Variants in DAPK1 observed in about 807,000 individuals in gnomAD.
DAPK1 encodes the protein death-associated protein kinase 1.
DAPK1 carries 56 observed loss-of-function variants against 144.9 expected under a neutral mutation model. That is an observed-to-expected ratio of 0.39 (90% CI 0.31 to 0.48). The LOEUF (loss-of-function observed/expected upper bound fraction) is 0.48. Ranked by LOEUF, DAPK1 falls within the 20% of genes least tolerant of loss-of-function variation. The pLI is 0.95. For synonymous variants in DAPK1, 690 were observed against 749.0 expected, an observed-to-expected ratio of 0.92 and a Z score of 1.29; for missense variants, 1,454 against 1,875.4, an observed-to-expected ratio of 0.78 and a Z score of 4.15.
intron 3 of DAPK1, among the ~76,000 whole-genome samples, 191 bp downstream of exon 3, chr9:87,605,366 A>AATT (rs1271000233): frequency 6.6e-6 from 1 of 152,178 alleles, no homozygotes; most frequent in Non-Finnish European, 1.5e-5. Flanking sequence ...ACAAACTCTA[A>AATT]AGAGCAACTC....
intron 2 of DAPK1, among the ~76,000 whole-genome samples, chr9:87,509,612 G>A (rs755241571): frequency 2.0e-5 from 3 of 152,092 alleles, no homozygotes; most frequent in Non-Finnish European, 4.4e-5. Flanking sequence ...CGCCCGCCTC[G>A]GCCCCCCACA....
In DAPK1 at chr9:87,702,510, C is replaced by T. The variant is rs545897098; in HGVS notation, c.2872-519C>T. ...GATCATTGCCTGAGTGAAACAGTCA[C>T]GAGAGAGAGAGCGAGGGAAGAAAGG... On this transcript the variant is annotated intron_variant, in intron 24 of 25. Transcript: ENST00000408954. Among the ~76,000 whole-genome samples, 10 of 151,792 alleles carry T rather than the reference C, an allele frequency of 6.6e-5. No homozygotes were observed. In the East Asian group the frequency reaches 1.5e-3, roughly 23 times the overall value.
At chr9:87,531,096 TA>T (rs1355548188) in intron 2 of DAPK1, among the ~76,000 whole-genome samples, 5 of 152,184 alleles carry the variant, frequency 3.3e-5, no homozygotes, top group Admixed American at 2.6e-4. Flanking sequence ...GAGAAGGGGT[TA>T]GGGGGAGAGA....
At chr9:87,691,836 T>C (rs1457223480) in intron 21 of DAPK1, among the ~76,000 whole-genome samples, 1 of 152,122 alleles carries the variant, frequency 6.6e-6, no homozygotes, top group Non-Finnish European at 1.5e-5. Flanking sequence ...GCACTGTGGT[T>C]TGAGGAGATA....
chr9:87,618,937 T>A (rs1234171662), intron 3 of DAPK1, among the ~76,000 whole-genome samples: 1 of 152,200 alleles, frequency 6.6e-6, no homozygotes, highest in East Asian at 1.9e-4. Context: ...AGATTTAATC[T>A]TGGATGACTC....
intron 2 of DAPK1, among the ~76,000 whole-genome samples, chr9:87,543,862 T>C (rs1249543269): frequency 6.6e-6 from 1 of 152,186 alleles, no homozygotes; most frequent in Non-Finnish European, 1.5e-5. Flanking sequence ...TATTATAGTA[T>C]TATGCTATAG....
At chr9:87,510,076 G>A (rs973091953) in intron 2 of DAPK1, among the ~76,000 whole-genome samples, 3 of 152,162 alleles carry the variant, frequency 2.0e-5, no homozygotes, top group Non-Finnish European at 2.9e-5. Context: ...TCAGGCATCC[G>A]TTTCAATTGT....
At chr9:87,618,277 A>T (rs1376067599) in intron 3 of DAPK1, among the ~76,000 whole-genome samples, 1 of 152,226 alleles carries the variant, frequency 6.6e-6, no homozygotes, top group Non-Finnish European at 1.5e-5. Context: ...AAAGACAGGC[A>T]ATCTCAAGTG....
At chr9:87,565,696 T>C (rs1363213217) in intron 2 of DAPK1, among the ~76,000 whole-genome samples, 2 of 152,242 alleles carry the variant, frequency 1.3e-5, no homozygotes, top group African/African-American at 2.4e-5. Context: ...ACCTACCATT[T>C]TCAATTTACT....
At chr9:87,623,081 A>G (rs1829361161) in intron 3 of DAPK1, among the ~76,000 whole-genome samples, 1 of 152,162 alleles carries the variant, frequency 6.6e-6, no homozygotes, top group South Asian at 2.1e-4. Flanking sequence ...TAAGGGGCCC[A>G]CTAGGACTTG....
intron 3 of DAPK1, among the ~76,000 whole-genome samples, chr9:87,618,662 AC>A (rs1829183443): frequency 6.6e-6 from 1 of 152,058 alleles, no homozygotes; most frequent in Non-Finnish European, 1.5e-5. Flanking sequence ...CCAATAGACC[AC>A]CCACCCTATG....
intron 2 of DAPK1, chr9:87,553,460 G>A (rs1435974348): frequency 1.3e-5 from 2 of 151,732 alleles, no homozygotes; most frequent in Non-Finnish European, 2.9e-5. Flanking sequence ...CTGGTGCTTA[G>A]GGTGCTCAAT....
chr9:87,695,245 G>A (rs971616767), intron 21 of DAPK1, among the ~76,000 whole-genome samples: 3 of 152,212 alleles, frequency 2.0e-5, no homozygotes, highest in African/African-American at 7.2e-5. Flanking sequence ...GCTTTGGAGG[G>A]TGGTCCCTCC....
chr9:87,503,892 T>A (rs1824498168), intron 2 of DAPK1, among the ~76,000 whole-genome samples: 1 of 152,204 alleles, frequency 6.6e-6, no homozygotes, highest in African/African-American at 2.4e-5. Context: ...GGATGGTCAT[T>A]GGAAGCTAAT....
intron 2 of DAPK1, among the ~76,000 whole-genome samples, chr9:87,517,536 A>G (rs930891118): frequency 2.0e-5 from 3 of 152,168 alleles, no homozygotes; most frequent in African/African-American, 7.2e-5. Flanking sequence ...GACCCTTCAG[A>G]AACACCTATT....
intron 17 of DAPK1, among the ~76,000 whole-genome samples, chr9:87,654,831 G>A (rs1214067851): frequency 6.6e-6 from 1 of 152,116 alleles, no homozygotes; most frequent in East Asian, 1.9e-4. Context: ...GCATCTCATG[G>A]TGCTTTGCCC....
At chr9:87,589,578 A>G (rs1283836202) in intron 2 of DAPK1, among the ~76,000 whole-genome samples, 1 of 151,594 alleles carries the variant, frequency 6.6e-6, no homozygotes, top group Non-Finnish European at 1.5e-5. Flanking sequence ...ATGAACTGCT[A>G]TTGTGCTAGG....
At chr9:87,631,771 G>A (rs1272013510) in intron 3 of DAPK1, among the ~76,000 whole-genome samples, 2 of 152,206 alleles carry the variant, frequency 1.3e-5, no homozygotes, top group Non-Finnish European at 2.9e-5. Flanking sequence ...CAGCATGCAT[G>A]TGAAAAATCC....
intron 2 of DAPK1, among the ~76,000 whole-genome samples, chr9:87,511,672 G>A (rs1210116326): frequency 7.4e-6 from 1 of 134,244 alleles, no homozygotes; most frequent in Non-Finnish European, 1.5e-5. Context: ...TTTCTTTTGT[G>A]TGTGTGTGTG....
Sources: allele counts gnomAD v4.1 joint callset (sites outside exome capture counted in the v4.1 genomes callset), GRCh38; gene constraint gnomAD v4.1.1; transcripts MANE v1.5; gene names NCBI Gene and HGNC (gene_info 2026-07-23, HGNC 2026-07-21).